MST1: variants seen among roughly 807,000 people sequenced by gnomAD.
MST1 encodes the protein hepatocyte growth factor-like protein.
In MST1, 76 loss-of-function variants were observed where a neutral mutation model predicts 100.1. The ratio of observed to expected loss-of-function variants is 0.76; its 90% confidence interval spans 0.63 to 0.92. The LOEUF (loss-of-function observed/expected upper bound fraction) is 0.92. MST1 is among the 40% of genes least tolerant of loss of function. MST1 has a pLI of 0.00. For missense variants in MST1, 850 were observed against 990.0 expected, an observed-to-expected ratio of 0.86 and a Z score of 1.90; for synonymous variants, 352 against 385.4, an observed-to-expected ratio of 0.91 and a Z score of 1.01.
At chr3:49,686,529 C>T (rs552750162) in intron 7 of MST1, 48 bp from the exon 8 acceptor site, 20 of 1,603,272 alleles carry the variant, frequency 1.2e-5, no homozygotes, top group South Asian at 1.0e-4. Context: ...GCTGAGATCC[C>T]TCTGGGGCTG....
chr3:49,686,756 C>A lies in MST1; in HGVS notation c.775G>T (p.Gly259Cys). The A allele has an allele frequency of 1.9e-6, 3 of 1,608,522 alleles. No individual in the cohort carries two copies. The highest frequency in any genetic ancestry group is 2.5e-6 in the Non-Finnish European group (3 of 1,178,362). Reference protein sequence around the residue: ...LDDNYCRNPDGSERPWCYTTD... With the variant: ...LDDNYCRNPDCSERPWCYTTD... ...GTGTAGCACCATGGCCGCTCGGAGC[C>A]GTCAGGATTCCGGCAATAGTTGTCG... The change falls in exon 7 of 18, where the codon GGC becomes TGC. Residue 259 changes from glycine to cysteine, a missense_variant. This residue lies in a region of MST1 where 816 missense variants were observed against 924.6 expected (regional missense o/e 0.88). Transcript: ENST00000449682.
At position 49,686,701 on chromosome 3, in the gene MST1, C is replaced by T; in HGVS notation, c.830G>A (p.Cys277Tyr). ...CCGCCTACCGCAGCGGGGGAGGTCA[C>T]AGAACTCTCGCTCGATCTGCGGATC... is the stretch of plus-strand genomic sequence containing the variant. ...TTDPQIEREFCDLPRCGSEAQ... is the reference protein window; with the variant it reads ...TTDPQIEREFYDLPRCGSEAQ... Residue 277 changes from cysteine to tyrosine, a missense_variant, in exon 7 of 18, where the codon TGT (cysteine) becomes TAT (tyrosine). Coordinates refer to ENST00000449682, the MANE Select transcript of MST1 (RefSeq NM_020998.4). 1 of 1,575,472 alleles carries T rather than the reference C, an allele frequency of 6.3e-7. No homozygotes were observed. The highest frequency in any genetic ancestry group is 8.6e-7 in the Non-Finnish European group (1 of 1,161,308).
rs1358137821 is a variant in MST1, at chr3:49,686,051, T to C, written c.1147+11A>G. On this transcript the variant is annotated intron_variant, in intron 9 of 17. Coordinates refer to ENST00000449682, the MANE Select transcript of MST1 (RefSeq NM_020998.4). ...CAGCCCGGCTCTGTAGCCCCCAAGC[T>C]TGGGCCTCACCCTGGGGCCGCACGT... The C allele has an allele frequency of 6.2e-7, 1 of 1,607,840 alleles. No individual in the cohort carries two copies. The highest frequency in any genetic ancestry group is 8.5e-7 in the Non-Finnish European group (1 of 1,177,938).
At chr3:49,685,230 C>T (rs761879370) in intron 13 of MST1, 32 bp downstream of exon 13, 3 of 1,611,882 alleles carry the variant, frequency 1.9e-6, no homozygotes, top group Non-Finnish European at 1.7e-6. Context: ...ACCTCAGCTC[C>T]TCTCTGTGGG....
chr3:49,687,497 A>G lies in MST1; in HGVS notation c.356-19T>C. 1 of 1,613,484 alleles carries G rather than the reference A, an allele frequency of 6.2e-7. No individual in the cohort carries two copies. The highest frequency in any genetic ancestry group is 8.5e-7 in the Non-Finnish European group (1 of 1,179,844). ...ACGTAGTCTGGGAGCAAGAGACAGA[A>G]GATCAACTTGGGCTGAGGTCCCCTG... On this transcript the variant is annotated intron_variant, in intron 3 of 17. Transcript: ENST00000449682.
In MST1 at chr3:49,685,937, C is replaced by T; in HGVS notation, c.1173G>A (p.Gln391=). 1.9e-6 allele frequency: 3 copies of T among 1,609,912 alleles called. No individual in the cohort carries two copies. The highest frequency in any genetic ancestry group is 1.1e-5 in the South Asian group (1 of 90,914). Residue 391 remains glutamine, a synonymous_variant, in exon 10 of 18, where the codon CAG becomes CAA. Transcript: ENST00000449682. ...GGGTCTTGCTGACCGTGCCGCGGTA[C>T]TGCTCCCCTGCGCCGTGGTAGCAGT... ...PQDCYHGAGE[Q]YRGTVSKTRK...
Position 49,686,371 on chromosome 3 carries a change from G to T in MST1, c.958C>A (p.Arg320Ser), listed in dbSNP as rs758886846. ...TGATGCGGGATTTGCGCGTCCCAAC[G>T]CTGGCAAGGTACGCCCGCAGTGGTG... Reference protein sequence around the residue: ...NTTTAGVPCQRWDAQIPHQHR... With the variant: ...NTTTAGVPCQSWDAQIPHQHR... The change falls in exon 8 of 18, where the codon CGT (arginine) becomes AGT (serine). Residue 320 changes from arginine to serine, a missense_variant. Physicochemically the swap from Arg to Ser is moderately radical, Grantham distance 110 (BLOSUM62 -1). Around this residue, in one of 2 missense-constraint regions of MST1, gnomAD observed 816 missense variants for 924.6 expected, o/e 0.88. Transcript: ENST00000449682. The T allele has an allele frequency of 2.5e-6, 4 of 1,597,566 alleles. No homozygotes were observed. Among genetic ancestry groups the T allele is most frequent in the East Asian group, 2.3e-5 (1 of 44,160 alleles).
rs1156281782 is a variant in MST1, at chr3:49,686,357, T to C, written c.972A>G (p.Gln324=). 6.5e-7 allele frequency: 1 copy of C among 1,533,030 alleles called. No homozygotes were observed. Among genetic ancestry groups the C allele is most frequent in the Admixed American group, 1.8e-5 (1 of 55,952 alleles). 95.0% of individuals were successfully genotyped at this position (1,533,030 alleles called of 1,614,324 possible). Residue 324 remains glutamine, a synonymous_variant, in exon 8 of 18, where the codon CAA becomes CAG. Transcript: ENST00000449682. Reference sequence around the variant, plus strand: ...GCGTAAATCGGTGCTGATGCGGGATTTGCGCGTCCCAACGCTGGCAAGGTA... The same window carrying C: ...GCGTAAATCGGTGCTGATGCGGGATCTGCGCGTCCCAACGCTGGCAAGGTA... ...AGVPCQRWDA[Q]IPHQHRFTPE...
At position 49,686,501 on chromosome 3, in the gene MST1, G is replaced by T; in HGVS notation, c.848-20C>A. The T allele has an allele frequency of 6.2e-7, 1 of 1,610,444 alleles. No homozygotes were observed. Among genetic ancestry groups the T allele is most frequent in the Non-Finnish European group, 8.5e-7 (1 of 1,178,604 alleles). The stretch of plus-strand genomic sequence containing the variant: ...CGGACCCTTAGATGGACCGAGATAG[G>T]TCGGGCCCCGAGCGAGAGCTGAGAT... On this transcript the variant is annotated intron_variant, in intron 7 of 17. Transcript: ENST00000449682.
chr3:49,686,690 G>T lies in MST1; in HGVS notation c.841C>A (p.Arg281Ser), dbSNP rs1229550218. 1 of 1,564,094 alleles carries T rather than the reference G, an allele frequency of 6.4e-7. No individual in the cohort carries two copies. The highest frequency in any genetic ancestry group is 8.7e-7 in the Non-Finnish European group (1 of 1,154,500). The change falls in exon 7 of 18, where the codon CGC becomes AGC. Residue 281 changes from arginine to serine, a missense_variant. Physicochemically the swap from Arg to Ser is moderately radical, Grantham distance 110. Around this residue, in one of 2 missense-constraint regions of MST1, gnomAD observed 816 missense variants for 924.6 expected, o/e 0.88. Transcript: ENST00000449682. Reference protein sequence around the residue: ...QIEREFCDLPRCGSEAQPRQE... With the variant: ...QIEREFCDLPSCGSEAQPRQE... The stretch of plus-strand genomic sequence containing the variant: ...CCTGGTCCCCGCCGCCTACCGCAGC[G>T]GGGGAGGTCACAGAACTCTCGCTCG...
rs1417935345 is a variant in MST1 at position 49,686,987 on chromosome 3, C to A, written c.688G>T (p.Asp230Tyr). The change falls in exon 6 of 18, where the codon GAT (aspartate) becomes TAT (tyrosine). Residue 230 changes from aspartate (D) to tyrosine (Y), a missense_variant. By Grantham distance (160) the Asp-to-Tyr change is radical. Coordinates refer to ENST00000449682, the MANE Select transcript of MST1 (RefSeq NM_020998.4). ...GGGTGCTGGTGCGGGTGCTGAAGAT[C>A]CCAGCGCTGGCACTCGCGCCCTGAC... Reference protein sequence around the residue: ...TESGRECQRWDLQHPHQHPFE... With the variant: ...TESGRECQRWYLQHPHQHPFE... 1.9e-6 allele frequency: 3 copies of A among 1,611,236 alleles called. No homozygotes were observed. Among genetic ancestry groups the A allele is most frequent in the Non-Finnish European group, 2.5e-6 (3 of 1,179,762 alleles).
intron 13 of MST1, 47 bp from the exon 14 acceptor site, chr3:49,685,136 T>C (rs916894623): frequency 2.5e-6 from 4 of 1,598,124 alleles, no homozygotes; most frequent in Non-Finnish European, 1.7e-6. Context: ...CTGGGACAGA[T>C]GCTAGACCTG....
rs2053917426 is a variant in MST1, at chr3:49,687,802, C to T, written c.190G>A (p.Val64Met). The T allele has an allele frequency of 1.2e-6, 2 of 1,613,686 alleles. No homozygotes were observed. The highest frequency in any genetic ancestry group is 4.5e-5 in the East Asian group (2 of 44,892). The change falls in exon 2 of 18, where the codon GTG (valine) becomes ATG (methionine). Residue 64 changes from valine to methionine, a missense_variant. Val to Met is a conservative substitution (Grantham distance 21). This residue lies in a region of MST1 where 816 missense variants were observed against 924.6 expected (regional missense o/e 0.88). Coordinates refer to ENST00000449682, the MANE Select transcript of MST1 (RefSeq NM_020998.4). ...AVVPGPWQEDVADAEECAGRC... is the reference protein window; with the variant it reads ...AVVPGPWQEDMADAEECAGRC... ...CCAGCACACTCTTCAGCATCTGCCA[C>T]ATCCTCCTGCCAAGGCCCGGGCACC...
rs780686704 is a variant in MST1 at position 49,686,280 on chromosome 3, C to T, written c.1016+33G>A. On this transcript the variant is annotated intron_variant, in intron 8 of 17. Coordinates refer to ENST00000449682, the MANE Select transcript of MST1 (RefSeq NM_020998.4). Reference sequence around the variant, plus strand: ...TCCTCCCGTCTCACCCGCAGCAGCACGTCCCAACGCCCGCCCCCCCCCCCC... The same window carrying T: ...TCCTCCCGTCTCACCCGCAGCAGCATGTCCCAACGCCCGCCCCCCCCCCCC... 14 of 1,550,932 alleles carry T rather than the reference C, an allele frequency of 9.0e-6. No individual in the cohort carries two copies. In the African/African-American group the frequency reaches 1.7e-4, roughly 19 times the overall value.
rs71262351 is a variant in MST1 at position 49,685,269 on chromosome 3, G to C, written c.1537C>G (p.Arg513Gly). ...PGNSPWTVSL[R>G]NRQGQHFCGG... ...CAGGCAGTTGTGCCTCACCGATTCC[G>C]CAAGCTGACTGTCCAGGGTGAGTTG... Residue 513 changes from arginine to glycine, a missense_variant, in exon 13 of 18, where the codon CGG becomes GGG. This residue lies in a region of MST1 where 816 missense variants were observed against 924.6 expected (regional missense o/e 0.88). Transcript: ENST00000449682. The C allele has an allele frequency of 1.9e-6, 3 of 1,613,200 alleles. No homozygotes were observed. In the South Asian group the frequency reaches 3.3e-5, roughly 18 times the overall value.
rs2053886466 is a variant in MST1, at chr3:49,687,596, C to A, written c.315G>T (p.Arg105Ser). ...GGTCACAGCGCCCAGAACGCCGCAG[C>A]CTCGTGTGGGGCGAGTGTTGAGTCC... Reference protein sequence around the residue: ...LPWTQHSPHTRLRRSGRCDLF... With the variant: ...LPWTQHSPHTSLRRSGRCDLF... Residue 105 changes from arginine to serine, a missense_variant, in exon 3 of 18, where the codon AGG becomes AGT. Coordinates refer to ENST00000449682, the MANE Select transcript of MST1 (RefSeq NM_020998.4). 1 of 1,613,612 alleles carries A rather than the reference C, an allele frequency of 6.2e-7. No individual in the cohort carries two copies. Among genetic ancestry groups the A allele is most frequent in the Non-Finnish European group, 8.5e-7 (1 of 1,179,874 alleles).
Position 49,685,591 on chromosome 3 carries a change from C to G in MST1, c.1387+5G>C, listed in dbSNP as rs1216845254. 1 of 1,613,332 alleles carries G rather than the reference C, an allele frequency of 6.2e-7. No homozygotes were observed. The highest frequency in any genetic ancestry group is 8.5e-7 in the Non-Finnish European group (1 of 1,179,844). Reference sequence around the variant, plus strand: ...GGTCATGGGGGAAGCGTCACTAGTGCTCACCGCAGCGTCGCAGGGCACAGT... The same window carrying G: ...GGTCATGGGGGAAGCGTCACTAGTGGTCACCGCAGCGTCGCAGGGCACAGT... On this transcript the variant is annotated splice_donor_5th_base_variant and intron_variant, in intron 11 of 17. Coordinates refer to ENST00000449682, the MANE Select transcript of MST1 (RefSeq NM_020998.4).
chr3:49,688,779 C>T lies in MST1; in HGVS notation c.-88G>A, dbSNP rs2054025448. 2 of 1,098,928 alleles carry T rather than the reference C, an allele frequency of 1.8e-6. No homozygotes were observed. Among genetic ancestry groups the T allele is most frequent in the South Asian group, 3.1e-5 (2 of 64,540 alleles). 68.1% of individuals were successfully genotyped at this position (1,098,928 alleles called of 1,614,324 possible). A position where few individuals can be genotyped will look rare whatever the true frequency, so the allele number is the denominator to read the frequency against. ...GGGCCTGCTGGACCCTGACCTGAGA[C>T]CTGGTGACAGGAGCCATGAGGGGCC... On this transcript the variant is annotated 5_prime_UTR_variant, in exon 1 of 18. Transcript: ENST00000449682.
chr3:49,684,055 C>G lies in MST1; in HGVS notation c.2151G>C (p.Trp717Cys). 1.2e-6 allele frequency: 2 copies of G among 1,613,606 alleles called. No individual in the cohort carries two copies. The highest frequency in any genetic ancestry group is 1.7e-6 in the Non-Finnish European group (2 of 1,179,818). The change falls in exon 18 of 18, where the codon TGG (tryptophan) becomes TGC (cysteine). Residue 717 changes from tryptophan to cysteine, a missense_variant. This residue lies in a region of MST1 where 816 missense variants were observed against 924.6 expected (regional missense o/e 0.88). Coordinates refer to ENST00000449682, the MANE Select transcript of MST1 (RefSeq NM_020998.4). ...VFTRVSVFVD[W>C]IHKVMRLG ...AACCCAGTCTCATGACCTTGTGAAT[C>G]CAGTCCACAAACACAGAGACACGCG...
Sources: gnomAD v4.1 joint callset for allele counts on GRCh38, gnomAD v4.1.1 for gene constraint, gnomAD v4.1.1 regional missense constraint, MANE v1.5 for transcripts, NCBI Gene and HGNC (gene_info 2026-07-23, HGNC 2026-07-21) for gene names.